The following TRMT11 variants were observed in gnomAD, a reference collection of about 807,000 sequenced individuals.
The protein encoded by TRMT11 is tRNA (guanine(10)-N(2))-methyltransferase TRMT11.
Under a neutral mutation model 62.8 loss-of-function variants are expected in TRMT11, and 53 were observed. The ratio of observed to expected loss-of-function variants is 0.84; its 90% CI spans 0.68 to 1.06. TRMT11 has a LOEUF of 1.06. Among genes scored for constraint, TRMT11 ranks in the 50% least tolerant of loss-of-function variants. The probability of loss-of-function intolerance (pLI) is 0.00; values close to 1 mark genes in which losing one functional copy is unlikely to be tolerated. For synonymous variants in TRMT11, 188 were observed against 190.3 expected, an observed-to-expected ratio of 0.99 and a Z score of 0.10; for missense variants, 556 against 553.4, an observed-to-expected ratio of 1.00 and a Z score of -0.05.
rs115872142 is a variant in TRMT11, at chr6:126,048,596, T to A, written c.*1370-4527T>A. On this transcript the variant is annotated intron_variant and NMD_transcript_variant, in intron 16 of 22. Coordinates refer to the TRMT11 transcript ENST00000648977. The stretch of plus-strand genomic sequence containing the variant: ...CTCGGTTAGCTAGCACCATCCAGAT[T>A]GCCATCATTGCTGCCTGGATCCATT... 1.8e-3 allele frequency among the ~76,000 whole-genome samples: 270 copies of A among 152,258 alleles called. 1 individual carries two copies. Among genetic ancestry groups the A allele is most frequent in the African/African-American group, 6.3e-3 (261 of 41,538 alleles).
intron 21 of TRMT11, among the ~76,000 whole-genome samples, chr6:126,141,940 A>G (rs796988325): frequency 1.0e-3 from 155 of 152,194 alleles, no homozygotes; most frequent in African/African-American, 3.7e-3. Flanking sequence ...TACCAGGGAA[A>G]GTGCTTCCAA....
intron 16 of TRMT11, among the ~76,000 whole-genome samples, chr6:126,049,435 A>G (rs1776149368): frequency 6.6e-6 from 1 of 152,142 alleles, no homozygotes; most frequent in South Asian, 2.1e-4. Context: ...CTTTCTCTTT[A>G]CATTTTTCTA....
At chr6:126,085,649 C>A (rs972612810) in intron 17 of TRMT11, among the ~76,000 whole-genome samples, 1 of 152,106 alleles carries the variant, frequency 6.6e-6, no homozygotes, top group Non-Finnish European at 1.5e-5. Context: ...CAGTTGACAT[C>A]CTGTCTGAGT....
the TRMT11 span, among the ~76,000 whole-genome samples, chr6:126,212,106 T>C: frequency 3.3e-5 from 5 of 152,164 alleles, no homozygotes; most frequent in African/African-American, 1.2e-4. Flanking sequence ...CAGGATCTCA[T>C]TTTTTATGGC....
chr6:126,143,673 A>G (rs1283328704), intron 21 of TRMT11, among the ~76,000 whole-genome samples: 2 of 152,190 alleles, frequency 1.3e-5, no homozygotes, highest in Non-Finnish European at 2.9e-5. Context: ...GGTTTTTAAA[A>G]AAATTAAATT....
chr6:126,067,956 G>T (rs143114825), intron 17 of TRMT11, among the ~76,000 whole-genome samples: 1 of 151,984 alleles, frequency 6.6e-6, no homozygotes, highest in South Asian at 2.1e-4. Flanking sequence ...TACAATTCAC[G>T]CATTTAAAAT....
chr6:126,075,765 C>G (rs958324894), intron 17 of TRMT11, among the ~76,000 whole-genome samples: 5 of 152,022 alleles, frequency 3.3e-5, no homozygotes, highest in African/African-American at 1.2e-4. Context: ...CCAAGTTTCC[C>G]ACTCAAATAA....
At position 126,012,981 on chromosome 6, in the gene TRMT11, A is replaced by G; in HGVS notation, c.1019A>G (p.His340Arg). The G allele has an allele frequency of 6.2e-7, 1 of 1,612,780 alleles. No homozygotes were observed. The highest frequency in any genetic ancestry group is 8.5e-7 in the Non-Finnish European group (1 of 1,179,250). The change falls in exon 11 of 13, where the codon CAT becomes CGT. Residue 340 changes from histidine (H) to arginine (R), a missense_variant. By Grantham distance (29) the His-to-Arg change is conservative. Transcript: ENST00000334379. ...IEKWEKCPESHVPVSLSYHLS... is the reference protein window; with the variant it reads ...IEKWEKCPESRVPVSLSYHLS... ...TTTTCTTTGTGTAGTCCAGAAAGCC[A>G]TGTTCCTGTTTCCTTGAGTTATCAT...
At chr6:126,015,138 A>G (rs1175397581) in intron 11 of TRMT11, among the ~76,000 whole-genome samples, 4 of 152,174 alleles carry the variant, frequency 2.6e-5, no homozygotes, top group Non-Finnish European at 5.9e-5. Context: ...TTCAAATACA[A>G]TACAGAAAAC....
At chr6:126,125,684 T>G (rs1777709193) in intron 21 of TRMT11, among the ~76,000 whole-genome samples, 1 of 152,086 alleles carries the variant, frequency 6.6e-6, no homozygotes, top group African/African-American at 2.4e-5. Context: ...TCTTTCTGCC[T>G]TGTCTTAGTA....
At chr6:126,215,739 T>A in the TRMT11 span, among the ~76,000 whole-genome samples, 32 of 152,132 alleles carry the variant, frequency 2.1e-4, no homozygotes, top group African/African-American at 6.3e-4. Context: ...TTTTTTGGTA[T>A]GTGTTGCATT....
rs552478354 is a variant in TRMT11, at chr6:125,993,162, T to A, written c.73-595T>A. On this transcript the variant is annotated intron_variant, in intron 1 of 12. Transcript: ENST00000334379. ...GTGATTTAAGGAGATAACTTGTTAG[T>A]CATACAAATTATAAAATTTGTATAA... Among the ~76,000 whole-genome samples the A allele has an allele frequency of 7.9e-4, 121 of 152,326 alleles. 1 individual carries two copies. In the Middle Eastern group the frequency reaches 0.027, roughly 34 times the overall value.
At position 126,129,714 on chromosome 6, in the gene TRMT11, C is replaced by T. The variant is rs148317253; in HGVS notation, c.*1823+13859C>T. On this transcript the variant is annotated intron_variant and NMD_transcript_variant, in intron 21 of 22. Transcript: ENST00000648977. ...TAAAAAAAATTTTTTTTATGTAGAA[C>T]GAGGTATTACTATGTTGCCCAGGCT... Among the ~76,000 whole-genome samples the T allele has an allele frequency of 3.2e-4, 49 of 151,980 alleles. 1 individual carries two copies. In the East Asian group the frequency reaches 8.6e-3, roughly 27 times the overall value.
intron 21 of TRMT11, among the ~76,000 whole-genome samples, chr6:126,158,787 G>A (rs1778150901): frequency 6.6e-6 from 1 of 152,152 alleles, no homozygotes; most frequent in Non-Finnish European, 1.5e-5. Context: ...CTGCTTTTGT[G>A]GAACTTCTCC....
At chr6:126,224,183 G>T in the TRMT11 span, among the ~76,000 whole-genome samples, 190 of 152,304 alleles carry the variant, frequency 1.2e-3, no homozygotes, top group African/African-American at 4.2e-3. Context: ...CATTGCTGGA[G>T]AGTTAGTGCA....
chr6:126,131,502 A>C (rs1048411878), intron 21 of TRMT11, among the ~76,000 whole-genome samples: 10 of 151,988 alleles, frequency 6.6e-5, no homozygotes, highest in African/African-American at 2.4e-4. Flanking sequence ...TCAACACATA[A>C]AGCTGCAGTT....
At chr6:126,186,496 A>C (rs543679732) in intron 1 of TRMT11, among the ~76,000 whole-genome samples, 64 of 152,172 alleles carry the variant, frequency 4.2e-4, no homozygotes, top group Non-Finnish European at 8.4e-4. Flanking sequence ...TTGGAAAAGA[A>C]AGCAATGTAA....
downstream of TRMT11, among the ~76,000 whole-genome samples, chr6:126,202,745 C>A (rs186396902): frequency 1.4e-4 from 21 of 152,134 alleles, no homozygotes; most frequent in Non-Finnish European, 2.9e-4. Context: ...CATGCACAAA[C>A]TTGAAGAATT....
At chr6:126,169,947 A>G (rs572573624) in intron 21 of TRMT11, among the ~76,000 whole-genome samples, 1 of 152,216 alleles carries the variant, frequency 6.6e-6, no homozygotes, top group South Asian at 2.1e-4. Flanking sequence ...TGTCTTTAGT[A>G]CTTTACCTTC....
Sources: allele counts gnomAD v4.1 joint callset (sites outside exome capture counted in the v4.1 genomes callset), GRCh38; gene constraint gnomAD v4.1.1; transcripts MANE v1.5; gene names NCBI Gene and HGNC (gene_info 2026-07-23, HGNC 2026-07-21).